IL1RAPL2: variants seen among roughly 807,000 people sequenced by gnomAD.
The protein encoded by IL1RAPL2 is interleukin 1 receptor accessory protein like 2.
A neutral mutation model predicts 44.1 loss-of-function variants in IL1RAPL2; 3 were observed. The ratio of observed to expected loss-of-function variants is 0.07; its 90% CI spans 0.03 to 0.18. The LOEUF is 0.18. Among genes scored for constraint, IL1RAPL2 ranks in the 10% least tolerant of loss-of-function variants. IL1RAPL2 has a pLI of 1.00. For missense variants in IL1RAPL2, 391 were observed against 496.4 expected (o/e 0.79, Z 2.02); for synonymous variants, 181 against 178.8 (o/e 1.01, Z -0.10).
chrX:105,000,725 T>C (rs764152372), intron 2 of IL1RAPL2, among the ~76,000 whole-genome samples: 9 of 111,883 alleles, frequency 8.0e-5, no homozygotes, highest in Non-Finnish European at 1.5e-4. Context: ...ATTCTAAAAA[T>C]TAAAGGTTAC....
Position 105,296,505 on chromosome X carries a change from C to T in IL1RAPL2, c.697+28964C>T, listed in dbSNP as rs184343830. On this transcript the variant is annotated intron_variant, in intron 5 of 10. Transcript: ENST00000372582. The stretch of plus-strand genomic sequence containing the variant: ...TGCCTGCAATGTTAACAGTGCTTTG[C>T]AAAAGGTAGATGGTCACTATGCAGC... 1.9e-3 allele frequency among the ~76,000 whole-genome samples: 214 copies of T among 112,477 alleles called. 1 individual carries two copies. The highest frequency in any genetic ancestry group is 6.2e-3 in the Admixed American group (66 of 10,619).
Position 105,343,021 on chromosome X carries a change from A to G in IL1RAPL2, c.697+75480A>G, listed in dbSNP as rs1014234957. On this transcript the variant is annotated intron_variant, in intron 5 of 10. Coordinates refer to ENST00000372582, the MANE Select transcript of IL1RAPL2 (RefSeq NM_017416.2). ...TTGGCTGCATTCTGAAATCCAGGCA[A>G]TAGATCTAACATAGCTATTCTATTA... is the stretch of plus-strand genomic sequence containing the variant. Among the ~76,000 whole-genome samples the G allele has an allele frequency of 2.3e-4, 25 of 109,182 alleles. 1 individual carries two copies. Among genetic ancestry groups the G allele is most frequent in the African/African-American group, 8.1e-4 (23 of 28,539 alleles). 94.8% of individuals were successfully genotyped at this position (109,182 alleles called of 115,157 possible).
chrX:105,077,204 T>G (rs1393035926), intron 2 of IL1RAPL2, among the ~76,000 whole-genome samples: 1 of 111,768 alleles, frequency 8.9e-6, no homozygotes, highest in Non-Finnish European at 1.9e-5. Flanking sequence ...TCCATGTTTA[T>G]TGCTTCCTTC....
At chrX:104,915,991 G>A (rs1444540444) in intron 2 of IL1RAPL2, among the ~76,000 whole-genome samples, 3 of 111,977 alleles carry the variant, frequency 2.7e-5, no homozygotes, top group Non-Finnish European at 5.6e-5. Flanking sequence ...ATAGTTTGAA[G>A]TCAGGTAGCG....
chrX:104,592,473 T>C (rs947875895), intron 1 of IL1RAPL2, among the ~76,000 whole-genome samples: 1 of 110,722 alleles, frequency 9.0e-6, no homozygotes, highest in Non-Finnish European at 1.9e-5. Flanking sequence ...GGTATAGAGC[T>C]AGGTGATGTA....
chrX:105,288,488 G>A (rs1320874407), intron 5 of IL1RAPL2, among the ~76,000 whole-genome samples: 1 of 110,104 alleles, frequency 9.1e-6, no homozygotes, highest in Non-Finnish European at 1.9e-5. Flanking sequence ...GGCAATAAGG[G>A]ATCCAGTTTC....
intron 2 of IL1RAPL2, among the ~76,000 whole-genome samples, chrX:104,910,129 G>A (rs188289873): frequency 2.7e-5 from 3 of 112,187 alleles, no homozygotes; most frequent in South Asian, 3.8e-4. Context: ...GGTGCCGTCC[G>A]TCACCCCTGT....
rs769356532 is a variant in IL1RAPL2, at chrX:105,030,658, G to A, written c.83-164817G>A. On this transcript the variant is annotated intron_variant, in intron 2 of 10. Coordinates refer to ENST00000372582, the MANE Select transcript of IL1RAPL2 (RefSeq NM_017416.2). ...TTTTTGGTTACTGTAGCCTTGTAGT[G>A]TAGTTTGAAGTCAGGTAGAGTGATG... is the stretch of plus-strand genomic sequence containing the variant. Among the ~76,000 whole-genome samples, 10 of 111,568 alleles carry A rather than the reference G, an allele frequency of 9.0e-5. No individual in the cohort carries two copies. The East Asian group carries it at 1.4e-3, about 16-fold the overall frequency.
intron 2 of IL1RAPL2, among the ~76,000 whole-genome samples, chrX:104,890,486 C>T (rs1923395207): frequency 8.9e-6 from 1 of 111,885 alleles, no homozygotes; most frequent in Non-Finnish European, 1.9e-5. Context: ...TAATAGTTGC[C>T]ATTCTAACTG....
Position 104,954,490 on chromosome X carries a change from T to C in IL1RAPL2, c.83-240985T>C, listed in dbSNP as rs186642163. Among the ~76,000 whole-genome samples the C allele has an allele frequency of 7.5e-4, 84 of 112,617 alleles. 1 individual carries two copies. The highest frequency in any genetic ancestry group is 4.6e-3 in the Middle Eastern group (1 of 218). ...GCAAGACAGATATTACACTAATAGT[T>C]AGAGATTTCCCTCTTTTCTTTTATT... On this transcript the variant is annotated intron_variant, in intron 2 of 10. Coordinates refer to ENST00000372582, the MANE Select transcript of IL1RAPL2 (RefSeq NM_017416.2).
intron 3 of IL1RAPL2, among the ~76,000 whole-genome samples, chrX:105,222,897 C>A (rs1187867454): frequency 9.0e-6 from 1 of 111,671 alleles, no homozygotes; most frequent in Non-Finnish European, 1.9e-5. Context: ...CACCTGTAAT[C>A]CTAGCACTTT....
chrX:105,490,539 T>A (rs1467621945), intron 6 of IL1RAPL2, among the ~76,000 whole-genome samples: 1 of 111,963 alleles, frequency 8.9e-6, no homozygotes, highest in Non-Finnish European at 1.9e-5. Flanking sequence ...GAAAATTATA[T>A]CAGATCCCTT....
At chrX:104,851,145 C>A (rs946158979) in intron 2 of IL1RAPL2, among the ~76,000 whole-genome samples, 1 of 110,943 alleles carries the variant, frequency 9.0e-6, no homozygotes, top group Admixed American at 9.7e-5. Flanking sequence ...TTGCACTCAC[C>A]ATTTAGAATG....
intron 5 of IL1RAPL2, among the ~76,000 whole-genome samples, chrX:105,309,698 C>T (rs1454144476): frequency 1.9e-5 from 2 of 105,369 alleles, no homozygotes; most frequent in African/African-American, 3.5e-5. Flanking sequence ...TGCCACTGCA[C>T]TCCAGCCTGG....
intron 9 of IL1RAPL2, among the ~76,000 whole-genome samples, chrX:105,754,186 C>T (rs1445773705): frequency 2.7e-5 from 3 of 112,103 alleles, no homozygotes; most frequent in African/African-American, 6.5e-5. Flanking sequence ...ACTGGGTTTA[C>T]GAATAGTTCA....
chrX:104,627,333 TGGGGTGG>T (rs1360848900), intron 1 of IL1RAPL2, among the ~76,000 whole-genome samples: 82 of 50,026 alleles, frequency 1.6e-3, no homozygotes, highest in African/African-American at 6.7e-3. Context: ...GGGCCTGTTG[TGGGGTGG>T]GGGGAGGGGG....
chrX:104,682,764 A>C (rs1943387575), intron 2 of IL1RAPL2, among the ~76,000 whole-genome samples: 1 of 112,458 alleles, frequency 8.9e-6, no homozygotes, highest in Non-Finnish European at 1.9e-5. Context: ...AAATGTTAAT[A>C]ATTATTCAAA....
chrX:104,645,532 T>A (rs777254495), intron 1 of IL1RAPL2, among the ~76,000 whole-genome samples: 2 of 112,174 alleles, frequency 1.8e-5, no homozygotes, highest in Non-Finnish European at 3.8e-5. Flanking sequence ...GCACTCTAGG[T>A]TTCAACTTAG....
chrX:105,422,992 A>G (rs2035783646), intron 5 of IL1RAPL2, among the ~76,000 whole-genome samples: 1 of 111,117 alleles, frequency 9.0e-6, no homozygotes, highest in Non-Finnish European at 1.9e-5. Context: ...CACAATTGAC[A>G]AGGAAATTTG....
Sources: gnomAD v4.1 joint callset for allele counts (sites outside exome capture counted in the v4.1 genomes callset) on GRCh38, gnomAD v4.1.1 for gene constraint, MANE v1.5 for transcripts, NCBI Gene and HGNC (gene_info 2026-07-23, HGNC 2026-07-21) for gene names.